Variants in ZCCHC14 observed in about 807,000 individuals in gnomAD.
ZCCHC14 encodes the protein zinc finger CCHC-type containing 14, also known as zinc finger CCHC domain-containing protein 14.
Under a neutral mutation model 85.0 loss-of-function variants are expected in ZCCHC14, and 16 were observed. The ratio of observed to expected loss-of-function variants is 0.19; its 90% confidence interval spans 0.13 to 0.29. The LOEUF is 0.29. Among genes scored for constraint, ZCCHC14 ranks in the 10% least tolerant of loss-of-function variants. ZCCHC14 has a pLI of 1.00. For synonymous variants in ZCCHC14, 775 were observed against 630.7 expected, an observed-to-expected ratio of 1.23 and a Z score of -3.43; for missense variants, 1,303 against 1,443.5, an observed-to-expected ratio of 0.90 and a Z score of 1.58.
chr16:87,422,686 A>C (rs1285446624), intron 4 of ZCCHC14, among the ~76,000 whole-genome samples: 2 of 152,004 alleles, frequency 1.3e-5, no homozygotes, highest in Non-Finnish European at 2.9e-5. Flanking sequence ...CAGTGAGCCA[A>C]GATCATACCA....
intron 1 of ZCCHC14, among the ~76,000 whole-genome samples, chr16:87,477,829 A>C (rs1912090367): frequency 6.7e-6 from 1 of 149,730 alleles, no homozygotes; most frequent in African/African-American, 2.5e-5. Context: ...ACACGCCTCC[A>C]CGCATCGCTC....
intron 8 of ZCCHC14, among the ~76,000 whole-genome samples, chr16:87,416,145 T>C: frequency 6.6e-6 from 1 of 151,940 alleles, no homozygotes; most frequent in East Asian, 2.0e-4. Flanking sequence ...AGGCTGGTCT[T>C]CAACTCCTGA....
At chr16:87,413,431 C>A (rs1486290467) in intron 10 of ZCCHC14, among the ~76,000 whole-genome samples, 1 of 152,230 alleles carries the variant, frequency 6.6e-6, no homozygotes, top group East Asian at 1.9e-4. Flanking sequence ...CGCCATCAAC[C>A]CCAGAACAAT....
intron 1 of ZCCHC14, among the ~76,000 whole-genome samples, chr16:87,487,663 C>T (rs1250550852): frequency 1.3e-5 from 2 of 152,204 alleles, no homozygotes; most frequent in Admixed American, 6.5e-5. Flanking sequence ...GCACAGTGCA[C>T]GGGGGTGAAG....
intron 1 of ZCCHC14, among the ~76,000 whole-genome samples, chr16:87,475,265 T>A (rs761793493): frequency 6.6e-5 from 10 of 151,950 alleles, no homozygotes; most frequent in Non-Finnish European, 1.5e-4. Flanking sequence ...AAATGGAAAT[T>A]CCAGGGCCAG....
At chr16:87,478,403 AGAG>A (rs1912119502) in intron 1 of ZCCHC14, among the ~76,000 whole-genome samples, 1 of 152,212 alleles carries the variant, frequency 6.6e-6, no homozygotes, top group Non-Finnish European at 1.5e-5. Flanking sequence ...GTCGGGGTGC[AGAG>A]AAGGTTGGAA....
At chr16:87,410,453 C>A (rs1908379736) in intron 12 of ZCCHC14, 118 bp from the exon 13 acceptor site, 1 of 565,404 alleles carries the variant, frequency 1.8e-6, no homozygotes, top group Non-Finnish European at 3.2e-6. Context: ...GAAATCTAGG[C>A]CACCCATCCT....
chr16:87,492,862 T>C lies in ZCCHC14; in HGVS notation c.-624A>G, dbSNP rs1435038552. On this transcript the variant is annotated 5_prime_UTR_variant, in exon 1 of 13. Transcript: ENST00000671377. The surrounding 1 kb of genome is among the most constrained non-coding windows in gnomAD (Gnocchi z 6.7). ...GGCGCGGAGGGATCCGGCCGGGACT[T>C]GCCGGCCTTGCTGCTCCCGCGCGGC... Among the ~76,000 whole-genome samples, 1 of 147,512 alleles carries C rather than the reference T, an allele frequency of 6.8e-6. No individual in the cohort carries two copies. Among genetic ancestry groups the C allele is most frequent in the Non-Finnish European group, 1.5e-5 (1 of 66,376 alleles).
intron 9 of ZCCHC14, among the ~76,000 whole-genome samples, chr16:87,415,029 C>A (rs1908710484): frequency 6.6e-6 from 1 of 152,218 alleles, no homozygotes; most frequent in Non-Finnish European, 1.5e-5. Context: ...TTGCAGTGAG[C>A]CGAGATTGCA....
At position 87,420,759 on chromosome 16, in the gene ZCCHC14, C is replaced by T; in HGVS notation, c.841-43G>A. 6.6e-7 allele frequency: 1 copy of T among 1,515,532 alleles called. No homozygotes were observed. Among genetic ancestry groups the T allele is most frequent in the Non-Finnish European group, 9.0e-7 (1 of 1,115,894 alleles). 93.9% of individuals were successfully genotyped at this position (1,515,532 alleles called of 1,614,324 possible). ...GTAGAGGAGGTGTGTCCAGACCCAT[C>T]CAACACCAGCAGAATTCTGCTACTG... On this transcript the variant is annotated intron_variant, in intron 4 of 12. Transcript: ENST00000671377. The surrounding 1 kb of genome is among the most constrained non-coding windows in gnomAD (Gnocchi z 5.0).
At chr16:87,415,057 G>A (rs1361009981) in intron 9 of ZCCHC14, among the ~76,000 whole-genome samples, 1 of 152,084 alleles carries the variant, frequency 6.6e-6, no homozygotes, top group Non-Finnish European at 1.5e-5. Flanking sequence ...ACTCCAGCCT[G>A]GGCACGACAG....
At chr16:87,466,743 G>C (rs1911538878) in intron 1 of ZCCHC14, among the ~76,000 whole-genome samples, 1 of 152,172 alleles carries the variant, frequency 6.6e-6, no homozygotes, top group Non-Finnish European at 1.5e-5. Context: ...CACAGGTACT[G>C]TTCGTATGAC....
chr16:87,489,862 C>T (rs1443328701), intron 1 of ZCCHC14, among the ~76,000 whole-genome samples: 2 of 152,184 alleles, frequency 1.3e-5, no homozygotes, highest in African/African-American at 2.4e-5. Flanking sequence ...CGTGCTCACA[C>T]ATTAAGAATC....
At chr16:87,461,377 G>A (rs1225308276) in intron 1 of ZCCHC14, among the ~76,000 whole-genome samples, 3 of 152,210 alleles carry the variant, frequency 2.0e-5, no homozygotes, top group Non-Finnish European at 2.9e-5. Flanking sequence ...AATAAAAATG[G>A]CCAATGCTGT....
intron 2 of ZCCHC14, among the ~76,000 whole-genome samples, chr16:87,454,041 T>A (rs927015281): frequency 4.6e-5 from 7 of 152,208 alleles, no homozygotes; most frequent in Non-Finnish European, 7.3e-5. Flanking sequence ...TAGCTTGGTG[T>A]ACCAGCAGAC....
intron 1 of ZCCHC14, among the ~76,000 whole-genome samples, chr16:87,487,443 C>T (rs557172872): frequency 1.8e-4 from 27 of 152,332 alleles, no homozygotes; most frequent in African/African-American, 6.0e-4. Context: ...CCATACCTGT[C>T]GCTGACCAAA....
In ZCCHC14 at chr16:87,411,919, G is replaced by A. The variant is rs1354054532; in HGVS notation, c.2802C>T (p.Cys934=). Residue 934 remains cysteine, a synonymous_variant, in exon 12 of 13, where the codon TGC becomes TGT. Coordinates refer to ENST00000671377, the MANE Select transcript of ZCCHC14 (RefSeq NM_015144.3). ...AGCTGACAGTCAGGCCACTCGAGCCGCAGCTGCCGCTGCAGCCACAGGACG... is the reference window on the plus strand; with the variant it reads ...AGCTGACAGTCAGGCCACTCGAGCCACAGCTGCCGCTGCAGCCACAGGACG... ...VCTSCGCSGS[C]GSSGLTVSYA... The A allele has an allele frequency of 1.3e-5, 21 of 1,601,162 alleles. No individual in the cohort carries two copies. The highest frequency in any genetic ancestry group is 2.3e-5 in the East Asian group (1 of 44,330).
At chr16:87,475,877 C>T (rs144119580) in intron 1 of ZCCHC14, among the ~76,000 whole-genome samples, 1 of 152,232 alleles carries the variant, frequency 6.6e-6, no homozygotes, top group African/African-American at 2.4e-5. Flanking sequence ...TGGCAGAAGG[C>T]ATAAATTTAC....
intron 2 of ZCCHC14, among the ~76,000 whole-genome samples, chr16:87,440,883 G>C (rs947299777): frequency 6.6e-6 from 1 of 151,952 alleles, no homozygotes; most frequent in Non-Finnish European, 1.5e-5. Flanking sequence ...CCAAAGTACT[G>C]GGCTTACAGG....
Sources: allele counts gnomAD v4.1 joint callset (sites outside exome capture counted in the v4.1 genomes callset), GRCh38; gene constraint gnomAD v4.1.1; non-coding constraint Gnocchi (gnomAD v3.1); transcripts MANE v1.5; gene names NCBI Gene and HGNC (gene_info 2026-07-23, HGNC 2026-07-21).